NRXN3: variants seen among roughly 807,000 people sequenced by gnomAD.
NRXN3 encodes neurexin 3.
Under a neutral mutation model 137.6 loss-of-function variants are expected in NRXN3, and 32 were observed. The ratio of observed to expected loss-of-function variants is 0.23; its 90% CI spans 0.18 to 0.31. The LOEUF (loss-of-function observed/expected upper bound fraction) is 0.31, where lower values mean the gene tolerates loss of function less well. Ranked by LOEUF, NRXN3 falls within the 10% of genes least tolerant of loss-of-function variation. The pLI, the probability that NRXN3 is intolerant of heterozygous loss-of-function variation, is 1.00. For missense variants in NRXN3, 1,574 were observed against 2,062.5 expected, an observed-to-expected ratio of 0.76 and a Z score of 4.59; for synonymous variants, 798 against 784.5, an observed-to-expected ratio of 1.02 and a Z score of -0.29.
intron 4 of NRXN3, among the ~76,000 whole-genome samples, chr14:78,501,382 C>A (rs76633972): frequency 1.3e-5 from 2 of 152,274 alleles, no homozygotes; most frequent in Non-Finnish European, 2.9e-5. Flanking sequence ...ATTGCCTCAC[C>A]GTGTGGACCT....
chr14:78,417,402 G>A (rs761386184), intron 4 of NRXN3, among the ~76,000 whole-genome samples: 9 of 152,154 alleles, frequency 5.9e-5, no homozygotes, highest in Non-Finnish European at 1.2e-4. Context: ...CCACAAACAT[G>A]CCCCCATGGG....
At chr14:79,421,261 T>A (rs1270697733) in intron 15 of NRXN3, among the ~76,000 whole-genome samples, 1 of 152,158 alleles carries the variant, frequency 6.6e-6, no homozygotes, top group Non-Finnish European at 1.5e-5. Context: ...CTAAGATATT[T>A]TAATATACTT....
chr14:78,685,092 T>C (rs940319351), intron 6 of NRXN3, among the ~76,000 whole-genome samples: 2 of 152,002 alleles, frequency 1.3e-5, no homozygotes, highest in African/African-American at 4.8e-5. Flanking sequence ...AACAAGGCCT[T>C]TCCTCAGTGC....
chr14:79,805,047 G>T, intron 19 of NRXN3, 65 bp from the exon 20 acceptor site: 2 of 1,140,212 alleles, frequency 1.8e-6, no homozygotes, highest in South Asian at 2.6e-5. Flanking sequence ...TTGTTCATTA[G>T]TTTCCTTATC....
Position 78,194,706 on chromosome 14 carries a change from C to T in NRXN3, c.-704+24032C>T, listed in dbSNP as rs560323402. Among the ~76,000 whole-genome samples the T allele has an allele frequency of 1.8e-4, 27 of 152,224 alleles. No individual in the cohort carries two copies. The South Asian group carries it at 3.9e-3, about 22-fold the overall frequency. On this transcript the variant is annotated intron_variant, in intron 1 of 20. Coordinates refer to ENST00000335750, the MANE Select transcript of NRXN3 (RefSeq NM_001330195.2). ...AGAATGAGCAGAGGGGCTCCAGAGG[C>T]GGATGGCTACGGACAGGTGGCAGTA...
intron 10 of NRXN3, among the ~76,000 whole-genome samples, chr14:78,835,489 C>T (rs75780524): frequency 0.012 from 1,891 of 152,212 alleles, 77 homozygotes; most frequent in East Asian, 0.12. Context: ...TGTGGGGCAT[C>T]TGTGTTCTTT....
At chr14:78,172,963 C>G (rs1454877000) in intron 1 of NRXN3, among the ~76,000 whole-genome samples, 1 of 151,970 alleles carries the variant, frequency 6.6e-6, no homozygotes, top group African/African-American at 2.4e-5. Flanking sequence ...TTTCTCCTGA[C>G]TATGTTGATG....
chr14:78,294,575 A>AAAAAG lies in NRXN3; in HGVS notation c.728-3251_728-3247dup, dbSNP rs1555451489. Among the ~76,000 whole-genome samples, 202 of 148,252 alleles carry AAAAAG rather than the reference A, an allele frequency of 1.4e-3. 1 individual carries two copies. Among genetic ancestry groups the AAAAAG allele is most frequent in the Non-Finnish European group, 1.6e-3 (105 of 67,080 alleles). ...CGTCTCAAAAAAAAAAAAAAAAAAA[A>AAAAAG]AAAAGAAAAAGCTCCTATGTGTAGG... On this transcript the variant is annotated intron_variant, in intron 3 of 20. Transcript: ENST00000335750.
rs148428533 is a variant in NRXN3 at position 79,667,927 on chromosome 14, G to C, written c.3616+3978G>C. ...CTGTGAGTGGGTGGCCGGTGATACT[G>C]TCACTGCTGTAAGATCCCTGAGCAT... On this transcript the variant is annotated intron_variant, in intron 17 of 20. Transcript: ENST00000335750. Among the ~76,000 whole-genome samples the C allele has an allele frequency of 2.6e-3, 394 of 152,126 alleles. 1 individual carries two copies. The highest frequency in any genetic ancestry group is 7.2e-3 in the African/African-American group (297 of 41,528).
chr14:78,889,948 G>A (rs1290028637), intron 10 of NRXN3, among the ~76,000 whole-genome samples: 17 of 152,118 alleles, frequency 1.1e-4, no homozygotes, highest in South Asian at 2.1e-4. Context: ...AGGAGAAGAC[G>A]TAGAGACTTG....
intron 15 of NRXN3, among the ~76,000 whole-genome samples, chr14:79,239,399 G>T (rs577942400): frequency 1.3e-5 from 2 of 152,134 alleles, no homozygotes; most frequent in Admixed American, 6.6e-5. Context: ...CTGGATAAAG[G>T]ATCTGAGACT....
At chr14:79,385,357 AT>A (rs2094583199) in intron 15 of NRXN3, among the ~76,000 whole-genome samples, 1 of 151,222 alleles carries the variant, frequency 6.6e-6, no homozygotes. Context: ...ATGATTTCCA[AT>A]TTCATCCATG....
At chr14:78,836,636 A>G (rs553137873) in intron 10 of NRXN3, among the ~76,000 whole-genome samples, 1 of 152,322 alleles carries the variant, frequency 6.6e-6, no homozygotes, top group South Asian at 2.1e-4. Context: ...AGAAAGGAAA[A>G]TAAAACAGCA....
At chr14:78,174,865 G>A (rs2059113334) in intron 1 of NRXN3, among the ~76,000 whole-genome samples, 1 of 152,186 alleles carries the variant, frequency 6.6e-6, no homozygotes, top group South Asian at 2.1e-4. Flanking sequence ...ATGACTGGTG[G>A]GCGGATACAG....
chr14:79,108,134 G>T (rs1340339814), intron 15 of NRXN3, among the ~76,000 whole-genome samples: 7 of 152,126 alleles, frequency 4.6e-5, no homozygotes, highest in Admixed American at 4.6e-4. Context: ...TAATGTGTAT[G>T]GGGACAGAAT....
chr14:78,386,960 T>G (rs2090061306), intron 4 of NRXN3, among the ~76,000 whole-genome samples: 1 of 152,032 alleles, frequency 6.6e-6, no homozygotes, highest in Admixed American at 6.6e-5. Context: ...TTTTGTATGT[T>G]TAGTAGAGAC....
intron 6 of NRXN3, among the ~76,000 whole-genome samples, chr14:78,691,957 A>G (rs1174838580): frequency 1.3e-5 from 2 of 152,166 alleles, no homozygotes; most frequent in African/African-American, 2.4e-5. Flanking sequence ...AATGGGGAAA[A>G]CAGTGATGAC....
At chr14:79,717,469 G>C (rs1437593034) in intron 19 of NRXN3, among the ~76,000 whole-genome samples, 1 of 152,156 alleles carries the variant, frequency 6.6e-6, no homozygotes, top group Non-Finnish European at 1.5e-5. Flanking sequence ...AGATCTTCAG[G>C]AAAAGCAATC....
Position 79,637,958 on chromosome 14 carries a change from G to C in NRXN3, c.3445-25820G>C, listed in dbSNP as rs902135138. ...TTAGCCAGGCTGGTCTTGAACTCCTGACCTCAAGTGATCCACCTGCCTCGG... is the reference window on the plus strand; with the variant it reads ...TTAGCCAGGCTGGTCTTGAACTCCTCACCTCAAGTGATCCACCTGCCTCGG... On this transcript the variant is annotated intron_variant, in intron 16 of 20. Coordinates refer to ENST00000335750, the MANE Select transcript of NRXN3 (RefSeq NM_001330195.2). 4.6e-5 allele frequency among the ~76,000 whole-genome samples: 7 copies of C among 151,782 alleles called. No individual in the cohort carries two copies. The South Asian group carries it at 1.0e-3, about 23-fold the overall frequency.
Sources: allele counts gnomAD v4.1 joint callset (sites outside exome capture counted in the v4.1 genomes callset), GRCh38; gene constraint gnomAD v4.1.1; transcripts MANE v1.5; gene names NCBI Gene and HGNC (gene_info 2026-07-23, HGNC 2026-07-21).